GLP2R: variants seen among roughly 807,000 people sequenced by gnomAD.
GLP2R encodes the protein glucagon like peptide 2 receptor, also known as glucagon-like peptide 2 receptor.
Under a neutral mutation model 68.2 loss-of-function variants are expected in GLP2R, and 59 were observed. The ratio of observed to expected loss-of-function variants is 0.87; its 90% CI spans 0.70 to 1.07. The LOEUF (loss-of-function observed/expected upper bound fraction) is 1.07, where lower values mean the gene tolerates loss of function less well. Ranked by LOEUF, GLP2R falls within the 50% of genes least tolerant of loss-of-function variation. The probability of loss-of-function intolerance (pLI) is 0.00; values close to 1 mark genes in which losing one functional copy is unlikely to be tolerated. For missense variants in GLP2R, 548 were observed against 677.4 expected (o/e 0.81, Z 2.12); for synonymous variants, 270 against 265.4 (o/e 1.02, Z -0.17).
intron 2 of GLP2R, among the ~76,000 whole-genome samples, chr17:9,835,249 G>A (rs375380822): frequency 3.9e-5 from 6 of 151,964 alleles, no homozygotes; most frequent in Non-Finnish European, 7.4e-5. Flanking sequence ...GGATGGTCTC[G>A]ATCCCCTGAC....
At chr17:9,859,848 AGG>A in intron 6 of GLP2R, 92 bp from the exon 7 acceptor site, 6 of 350,230 alleles carry the variant, frequency 1.7e-5, no homozygotes, top group South Asian at 4.7e-5. Context: ...AAAAAAAAAG[AGG>A]GAGAGGTTGT....
chr17:9,865,012 T>C (rs915333859), intron 9 of GLP2R, among the ~76,000 whole-genome samples: 8 of 152,186 alleles, frequency 5.3e-5, no homozygotes, highest in African/African-American at 1.9e-4. Context: ...GTTGCTTCTG[T>C]GACTCCAGTC....
At chr17:9,850,692 C>CTTTTTT (rs11288196) in intron 4 of GLP2R, among the ~76,000 whole-genome samples, 1 of 125,998 alleles carries the variant, frequency 7.9e-6, no homozygotes, top group Admixed American at 8.6e-5. Flanking sequence ...GATTTTTTCA[C>CTTTTTT]TTTTTTTTTT....
At chr17:9,835,213 G>C (rs1008719847) in intron 2 of GLP2R, among the ~76,000 whole-genome samples, 1 of 152,010 alleles carries the variant, frequency 6.6e-6, no homozygotes, top group Non-Finnish European at 1.5e-5. Context: ...ATTTTTAGCA[G>C]AGACGGGGTT....
In GLP2R at chr17:9,880,416, G is replaced by T; in HGVS notation, c.1184G>T (p.Gly395Val). 6.2e-7 allele frequency: 1 copy of T among 1,600,526 alleles called. No homozygotes were observed. The highest frequency in any genetic ancestry group is 8.6e-7 in the Non-Finnish European group (1 of 1,169,516). The change falls in exon 11 of 13, where the codon GGC (glycine) becomes GTC (valine). Residue 395 changes from glycine to valine, a missense_variant. Transcript: ENST00000262441. ...ACACTGGTCCTCATTCCTTTATTGG[G>T]CGTTCATGAGATCCTCTTCTCTTTC... Reference protein sequence around the residue: ...KSTLVLIPLLGVHEILFSFIT... With the variant: ...KSTLVLIPLLVVHEILFSFIT...
intron 4 of GLP2R, among the ~76,000 whole-genome samples, chr17:9,847,437 G>T (rs4791888): frequency 0.72 from 109,046 of 151,732 alleles, 40,181 homozygotes; most frequent in East Asian, 0.9. Context: ...ACCCGGCAAT[G>T]TTTTGTATTT....
chr17:9,877,272 T>C (rs948154617), intron 10 of GLP2R, among the ~76,000 whole-genome samples: 3 of 152,234 alleles, frequency 2.0e-5, no homozygotes, highest in African/African-American at 7.2e-5. Flanking sequence ...AAACACAGTC[T>C]GTAAGAGTAA....
intron 3 of GLP2R, 89 bp downstream of exon 3, chr17:9,836,564 A>C (rs1183727552): frequency 1.4e-6 from 1 of 727,066 alleles, no homozygotes; most frequent in Non-Finnish European, 2.5e-6. Flanking sequence ...CTAAGCTCTC[A>C]GTAATACATC....
chr17:9,880,312 A>C, intron 10 of GLP2R, 66 bp from the exon 11 acceptor site: 1 of 988,878 alleles, frequency 1.0e-6, no homozygotes, highest in Non-Finnish European at 1.5e-6. Context: ...CATGGCATGG[A>C]AGAGCAGGAA....
rs1192634746 is a variant in GLP2R, at chr17:9,870,756, T to G, written c.1066T>G (p.Phe356Val). The G allele has an allele frequency of 6.6e-7, 1 of 1,521,258 alleles. No homozygotes were observed. Among genetic ancestry groups the G allele is most frequent in the African/African-American group, 1.4e-5 (1 of 73,388 alleles). The allele number at this position is 1,521,258 out of a possible 1,614,324, so 94.2% of individuals were successfully genotyped here. Residue 356 changes from phenylalanine to valine, a missense_variant, in exon 10 of 13, where the codon TTC becomes GTC. Phe to Val is a conservative substitution (Grantham distance 50). Transcript: ENST00000262441. ...TGCTCTTTTTTTCAAGGTCAATTTC[T>G]TCATCTTCCTGAAAATTCTCAAGCT... ...PMMLCVTVNF[F>V]IFLKILKLLI... is the part of the protein sequence containing the mutation.
At chr17:9,862,153 C>T (rs1442799708) in intron 9 of GLP2R, 63 bp downstream of exon 9, 20 of 1,195,536 alleles carry the variant, frequency 1.7e-5, no homozygotes, top group Non-Finnish European at 2.4e-5. Context: ...ATCCCCCCGC[C>T]CCACCCGACT....
intron 3 of GLP2R, among the ~76,000 whole-genome samples, chr17:9,841,303 C>T (rs1001762145): frequency 6.6e-6 from 1 of 151,894 alleles, no homozygotes; most frequent in Non-Finnish European, 1.5e-5. Flanking sequence ...GCTGGGGTTA[C>T]AGGCGTGAGC....
intron 4 of GLP2R, among the ~76,000 whole-genome samples, chr17:9,849,909 A>C (rs749204797): frequency 1.3e-5 from 2 of 152,106 alleles, no homozygotes; most frequent in Non-Finnish European, 2.9e-5. Flanking sequence ...CACTGCGCCC[A>C]GCCTATTTCC....
At chr17:9,833,781 G>C in intron 1 of GLP2R, 26 bp from the exon 2 acceptor site, 2 of 1,441,172 alleles carry the variant, frequency 1.4e-6, no homozygotes, top group Non-Finnish European at 9.7e-7. Flanking sequence ...TGGTCACTGG[G>C]GGTGACCATG....
chr17:9,874,213 G>A (rs1017848764), intron 10 of GLP2R, among the ~76,000 whole-genome samples: 15 of 152,192 alleles, frequency 9.9e-5, no homozygotes, highest in Admixed American at 9.8e-4. Flanking sequence ...CTAGGAAAGG[G>A]TAAATCAAGA....
intron 7 of GLP2R, 21 bp from the exon 8 acceptor site, chr17:9,861,118 T>G: frequency 6.2e-7 from 1 of 1,609,918 alleles, no homozygotes; most frequent in South Asian, 1.1e-5. Context: ...CTAACTACAT[T>G]TCCCTGTGTT....
chr17:9,889,261 G>A (rs1305805669), intron 12 of GLP2R, 109 bp from the exon 13 acceptor site: 1 of 682,530 alleles, frequency 1.5e-6, no homozygotes, highest in Admixed American at 2.8e-5. Flanking sequence ...CAGTTAAAAG[G>A]TAAATTTCCC....
rs777215923 is a variant in GLP2R at position 9,836,345 on chromosome 17, T to G, written c.278-26T>G. ...CATCCCTGTGCTAAAACACTGATGT[T>G]TATCAGACCCTTCTTCTCTCTGTAG... is the stretch of plus-strand genomic sequence containing the variant. On this transcript the variant is annotated intron_variant, in intron 2 of 12. Transcript: ENST00000262441. 63 of 1,464,264 alleles carry G rather than the reference T, an allele frequency of 4.3e-5. No individual in the cohort carries two copies. In the Admixed American group the frequency reaches 8.0e-4, roughly 19 times the overall value. 90.7% of individuals were successfully genotyped at this position (1,464,264 alleles called of 1,614,324 possible).
intron 1 of GLP2R, among the ~76,000 whole-genome samples, chr17:9,827,750 C>T (rs1192929780): frequency 6.6e-6 from 1 of 152,070 alleles, no homozygotes; most frequent in African/African-American, 2.4e-5. Context: ...ATCACAAGGT[C>T]AGGAGTTCAA....
Sources: allele counts gnomAD v4.1 joint callset (sites outside exome capture counted in the v4.1 genomes callset), GRCh38; gene constraint gnomAD v4.1.1; transcripts MANE v1.5; gene names NCBI Gene and HGNC (gene_info 2026-07-23, HGNC 2026-07-21).